The following CFAP299 variants were observed in gnomAD, a reference collection of about 807,000 sequenced individuals.
The protein encoded by CFAP299 is cilia and flagella associated protein 299, also known as cilia- and flagella-associated protein 299.
A neutral mutation model predicts 27.0 loss-of-function variants in CFAP299; 21 were observed. The ratio of observed to expected loss-of-function variants is 0.78; its 90% confidence interval spans 0.55 to 1.12. The LOEUF (loss-of-function observed/expected upper bound fraction) is 1.12. CFAP299 is among the 50% of genes most tolerant of loss of function. CFAP299 has a pLI of 0.00. For missense variants in CFAP299, 310 were observed against 276.6 expected, an observed-to-expected ratio of 1.12 and a Z score of -0.86; for synonymous variants, 104 against 98.1, an observed-to-expected ratio of 1.06 and a Z score of -0.36.
chr4:80,403,383 T>C (rs1365610425), intron 2 of CFAP299, among the ~76,000 whole-genome samples: 1 of 152,270 alleles, frequency 6.6e-6, no homozygotes, highest in Non-Finnish European at 1.5e-5. Context: ...TTGTGGATTC[T>C]AAGGCTGTTA....
At chr4:80,753,092 T>A (rs1013182967) in intron 3 of CFAP299, among the ~76,000 whole-genome samples, 1 of 152,104 alleles carries the variant, frequency 6.6e-6, no homozygotes, top group Admixed American at 6.6e-5. Context: ...TTTTCTTTGT[T>A]AATTTGTGTA....
At chr4:80,533,328 A>G (rs1349161198) in intron 2 of CFAP299, among the ~76,000 whole-genome samples, 1 of 152,224 alleles carries the variant, frequency 6.6e-6, no homozygotes, top group Non-Finnish European at 1.5e-5. Context: ...GTTTCTCTAA[A>G]AAGTTGAATG....
At chr4:80,862,203 C>G (rs1482013964) in intron 3 of CFAP299, among the ~76,000 whole-genome samples, 2 of 152,038 alleles carry the variant, frequency 1.3e-5, no homozygotes, top group Admixed American at 6.6e-5. Flanking sequence ...AACCCCATCT[C>G]TACTAAAAAT....
chr4:80,732,074 C>CAG (rs993603381), intron 3 of CFAP299, among the ~76,000 whole-genome samples: 2 of 147,714 alleles, frequency 1.4e-5, no homozygotes, highest in Non-Finnish European at 3.0e-5. Context: ...CACACAGACA[C>CAG]ACACACACAC....
intron 3 of CFAP299, among the ~76,000 whole-genome samples, chr4:80,716,726 A>G (rs940204759): frequency 6.6e-6 from 1 of 152,120 alleles, no homozygotes; most frequent in African/African-American, 2.4e-5. Context: ...ATCGTGGTAC[A>G]TAGGTACTTC....
chr4:80,913,644 G>A (rs1735591216), intron 4 of CFAP299, among the ~76,000 whole-genome samples: 1 of 152,170 alleles, frequency 6.6e-6, no homozygotes, highest in African/African-American at 2.4e-5. Context: ...AACAGTTACA[G>A]AAGGGATTTC....
chr4:80,889,011 C>CA (rs35328435), intron 4 of CFAP299, among the ~76,000 whole-genome samples: 5,057 of 52,806 alleles, frequency 0.096, 217 homozygotes, highest in East Asian at 0.15. Flanking sequence ...AGTGCCTAAG[C>CA]AAAAAAAAAA....
At chr4:80,890,377 A>G (rs34103239) in intron 4 of CFAP299, among the ~76,000 whole-genome samples, 12,736 of 152,266 alleles carry the variant, frequency 0.084, 586 homozygotes, top group Middle Eastern at 0.18. Flanking sequence ...CCCATTTACA[A>G]TAGCCACAAA....
intron 3 of CFAP299, among the ~76,000 whole-genome samples, chr4:80,728,948 TAA>T (rs1723320200): frequency 6.6e-6 from 1 of 152,212 alleles, no homozygotes; most frequent in South Asian, 2.1e-4. Flanking sequence ...ATGCAATACC[TAA>T]AAGCTCCCCA....
intron 3 of CFAP299, among the ~76,000 whole-genome samples, chr4:80,625,819 A>G (rs950785243): frequency 6.6e-6 from 1 of 152,026 alleles, no homozygotes; most frequent in African/African-American, 2.4e-5. Context: ...AAATGGGTCA[A>G]TTCAGCAAGA....
At chr4:80,398,249 A>G (rs1022802618) in intron 2 of CFAP299, among the ~76,000 whole-genome samples, 6 of 152,212 alleles carry the variant, frequency 3.9e-5, no homozygotes, top group Non-Finnish European at 8.8e-5. Context: ...TATCGTGAAA[A>G]TGGCCATACT....
At chr4:80,510,510 G>A (rs1423416948) in intron 2 of CFAP299, among the ~76,000 whole-genome samples, 3 of 152,110 alleles carry the variant, frequency 2.0e-5, no homozygotes, top group African/African-American at 7.2e-5. Context: ...CTATAGCTGA[G>A]CTCACATCCT....
intron 3 of CFAP299, among the ~76,000 whole-genome samples, chr4:80,657,475 T>G (rs926282940): frequency 4.6e-4 from 70 of 152,322 alleles, no homozygotes; most frequent in African/African-American, 1.7e-3. Context: ...CACCATTTGT[T>G]AAATAGGGAA....
chr4:80,432,130 T>C (rs1727845703), intron 2 of CFAP299, among the ~76,000 whole-genome samples: 1 of 152,118 alleles, frequency 6.6e-6, no homozygotes, highest in African/African-American at 2.4e-5. Context: ...TGCAAAATAT[T>C]AGGAGTCAAC....
intron 4 of CFAP299, among the ~76,000 whole-genome samples, chr4:80,923,956 G>A (rs1022386267): frequency 4.6e-5 from 7 of 151,942 alleles, no homozygotes; most frequent in African/African-American, 1.7e-4. Context: ...TTTTTCAGAT[G>A]AAATGATTTG....
chr4:80,732,634 A>G (rs1723604700), intron 3 of CFAP299, among the ~76,000 whole-genome samples: 1 of 152,068 alleles, frequency 6.6e-6, no homozygotes, highest in Non-Finnish European at 1.5e-5. Context: ...AAGATCAGTT[A>G]TTTCTTCTAG....
chr4:80,483,659 A>G (rs768812082), intron 2 of CFAP299, among the ~76,000 whole-genome samples: 2 of 152,164 alleles, frequency 1.3e-5, no homozygotes, highest in Non-Finnish European at 2.9e-5. Context: ...CCAGTTCTAA[A>G]GGGTATACAT....
chr4:80,908,597 A>G (rs1294414865), intron 4 of CFAP299, among the ~76,000 whole-genome samples: 1 of 152,180 alleles, frequency 6.6e-6, no homozygotes, highest in Non-Finnish European at 1.5e-5. Context: ...ACCAGAAAAC[A>G]TTTCCTTCAC....
At chr4:80,410,776 A>G (rs969950816) in intron 2 of CFAP299, among the ~76,000 whole-genome samples, 5 of 152,226 alleles carry the variant, frequency 3.3e-5, no homozygotes, top group African/African-American at 7.2e-5. Context: ...ATAGACTAAG[A>G]GAAATTTAAT....
Sources: gnomAD v4.1 joint callset for allele counts (sites outside exome capture counted in the v4.1 genomes callset) on GRCh38, gnomAD v4.1.1 for gene constraint, MANE v1.5 for transcripts, NCBI Gene and HGNC (gene_info 2026-07-23, HGNC 2026-07-21) for gene names.